BTNL2: variants seen among roughly 807,000 people sequenced by gnomAD.
The protein encoded by BTNL2 is butyrophilin-like protein 2.
Under a neutral mutation model 46.8 loss-of-function variants are expected in BTNL2, and 46 were observed. The observed-to-expected ratio is 0.98, with a 90% CI of 0.78 to 1.26. The LOEUF is 1.26. Among genes scored for constraint, BTNL2 ranks in the 50% most tolerant of loss-of-function variants. The pLI is 0.00. For synonymous variants in BTNL2, 226 were observed against 229.1 expected (o/e 0.99, Z 0.12); for missense variants, 461 against 592.6 (o/e 0.78, Z 2.31).
chr6:32,405,340 GCATGCTTTGGGGTGTCCAGCCTGT>G, intron 1 of BTNL2, 54 bp from the exon 2 acceptor site: 1 of 1,528,186 alleles, frequency 6.5e-7, no homozygotes. Flanking sequence ...AAAATCATAT[GCATGCTTTGGGGTGTCCAGCCTGT>G]CAAAATGGAG....
chr6:32,405,818 G>T (rs9268490), intron 1 of BTNL2, among the ~76,000 whole-genome samples: 36,235 of 127,600 alleles, frequency 0.28, 4,527 homozygotes, highest in Admixed American at 0.33. Context: ...TTTTTTTTTT[G>T]TTTTTTTTTT....
At position 32,407,157 on chromosome 6, in the gene BTNL2, C is replaced by T; in HGVS notation, c.-34G>A. On this transcript the variant is annotated 5_prime_UTR_variant, in exon 1 of 8. Transcript: ENST00000454136. ...GAACAAAGACAAGGAAACGCTGTGC[C>T]TAAGTGAGGCTGTGACACACCCGGC... 1 of 1,591,068 alleles carries T rather than the reference C, an allele frequency of 6.3e-7. No individual in the cohort carries two copies. Among genetic ancestry groups the T allele is most frequent in the Non-Finnish European group, 8.6e-7 (1 of 1,160,410 alleles).
rs777724790 is a variant in BTNL2 at position 32,402,924 on chromosome 6, AG to A, written c.709+10del. 5 of 1,610,960 alleles carry A rather than the reference AG, an allele frequency of 3.1e-6. No individual in the cohort carries two copies. Among genetic ancestry groups the A allele is most frequent in the Admixed American group, 3.3e-5 (2 of 59,940 alleles). Reference sequence around the variant, plus strand: ...ATCTGAGCATGTGGGTCCTAGAGGCAGAGCACTGACCTGGGAGGCTGATGAC... The same window carrying A: ...ATCTGAGCATGTGGGTCCTAGAGGCAAGCACTGACCTGGGAGGCTGATGAC... On this transcript the variant is annotated intron_variant, in intron 3 of 7. Transcript: ENST00000454136.
intron 4 of BTNL2, 136 bp downstream of exon 4, chr6:32,401,649 T>C: frequency 1.4e-6 from 1 of 731,050 alleles, no homozygotes; most frequent in Non-Finnish European, 2.2e-6. Flanking sequence ...TCCTCTGGTA[T>C]TTAATGAACA....
rs765238353 is a variant in BTNL2 at position 32,407,139 on chromosome 6, G to T, written c.-16C>A. The T allele has an allele frequency of 1.9e-6, 3 of 1,611,728 alleles. No homozygotes were observed. In the Admixed American group the frequency reaches 5.0e-5, roughly 27 times the overall value. Reference sequence around the variant, plus strand: ...AATCCACCATCCTCCCTGGAACAAAGACAAGGAAACGCTGTGCCTAAGTGA... The same window carrying T: ...AATCCACCATCCTCCCTGGAACAAATACAAGGAAACGCTGTGCCTAAGTGA... On this transcript the variant is annotated 5_prime_UTR_variant, in exon 1 of 8. Coordinates refer to ENST00000454136, the MANE Select transcript of BTNL2 (RefSeq NM_001304561.2).
At chr6:32,406,854 T>G in intron 1 of BTNL2, 191 bp downstream of exon 1, 1 of 532,656 alleles carries the variant, frequency 1.9e-6, no homozygotes, top group Non-Finnish European at 3.4e-6. Context: ...CAAGTAACTT[T>G]CCAAAGGTGA....
chr6:32,395,558 C>T (rs17208797), intron 5 of BTNL2, among the ~76,000 whole-genome samples: 4,653 of 152,292 alleles, frequency 0.031, 163 homozygotes, highest in African/African-American at 0.084. Flanking sequence ...CGTTTCAATT[C>T]TCACACACAC....
intron 4 of BTNL2, among the ~76,000 whole-genome samples, chr6:32,400,157 G>A (rs988436443): frequency 2.6e-5 from 4 of 152,180 alleles, no homozygotes; most frequent in Admixed American, 1.3e-4. Flanking sequence ...AAGATACACA[G>A]GTGTGTGTCT....
chr6:32,406,768 C>T, intron 1 of BTNL2: 1 of 252,282 alleles, frequency 4.0e-6, no homozygotes, highest in Non-Finnish European at 7.7e-6. Flanking sequence ...AATCCTAAAG[C>T]CTGTGCTGGC....
rs764919831 is a variant in BTNL2 at position 32,396,326 on chromosome 6, T to C, written c.791A>G (p.Gln264Arg). Residue 264 changes from glutamine (Q) to arginine (R), a missense_variant, in exon 5 of 8, where the codon CAG becomes CGG. Coordinates refer to ENST00000454136, the MANE Select transcript of BTNL2 (RefSeq NM_001304561.2). This position sits in a 1 kb window ranked among gnomAD's most constrained non-coding sequence, Gnocchi z 4.4. ...PILVRVGEDI[Q>R]LTCYLSPKAN... is the part of the protein sequence containing the mutation. ...CTTGGGGGACAGGTAACAGGTTAGC[T>C]GTATATCTTCTCCCACTCTGACGAG... 26 of 1,612,688 alleles carry C rather than the reference T, an allele frequency of 1.6e-5. No individual in the cohort carries two copies. In the Admixed American group the frequency reaches 1.8e-4, roughly 11 times the overall value.
At chr6:32,404,808 A>G (rs1367492017) in intron 2 of BTNL2, 131 bp downstream of exon 2, 4 of 850,456 alleles carry the variant, frequency 4.7e-6, no homozygotes, top group African/African-American at 1.7e-5. Flanking sequence ...TTTTAAATCA[A>G]TCAGGGTAGA....
chr6:32,401,932 G>T, intron 3 of BTNL2, 127 bp from the exon 4 acceptor site: 5 of 677,938 alleles, frequency 7.4e-6, no homozygotes, highest in South Asian at 3.0e-5. Flanking sequence ...AAAATGAAAT[G>T]CAGAAAAATA....
rs781338225 is a variant in BTNL2, at chr6:32,405,084, C to G, written c.282G>C (p.Trp94Cys). 5 of 1,613,050 alleles carry G rather than the reference C, an allele frequency of 3.1e-6. No individual in the cohort carries two copies. The highest frequency in any genetic ancestry group is 1.1e-5 in the South Asian group (1 of 91,078). ...TEMQMEEYRG[W>C]VEWIENGIAK... is the part of the protein sequence containing the mutation. The stretch of plus-strand genomic sequence containing the variant: ...CAATGCCATTCTCTATCCACTCTAC[C>G]CAGCCTCTGTACTCCTCCATCTGCA... The change falls in exon 2 of 8, where the codon TGG (tryptophan) becomes TGC (cysteine). Residue 94 changes from tryptophan to cysteine, a missense_variant. Coordinates refer to ENST00000454136, the MANE Select transcript of BTNL2 (RefSeq NM_001304561.2).
At position 32,407,036 on chromosome 6, in the gene BTNL2, G is replaced by A; in HGVS notation, c.79+9C>T. 6.2e-7 allele frequency: 1 copy of A among 1,611,804 alleles called. No individual in the cohort carries two copies. Among genetic ancestry groups the A allele is most frequent in the Non-Finnish European group, 8.5e-7 (1 of 1,178,974 alleles). On this transcript the variant is annotated intron_variant, in intron 1 of 7. Transcript: ENST00000454136. ...TAGACTATACAGTAAAGGGAGAAGG[G>A]AATCCTACCTGACTGCTTCATTGTC...
chr6:32,398,094 G>T (rs961540980), intron 4 of BTNL2, among the ~76,000 whole-genome samples: 34 of 152,330 alleles, frequency 2.2e-4, no homozygotes, highest in African/African-American at 8.2e-4. Context: ...GATGTTCTCT[G>T]AGGGCTTTCC....
intron 4 of BTNL2, among the ~76,000 whole-genome samples, chr6:32,401,566 A>C (rs1776787114): frequency 6.6e-6 from 1 of 152,118 alleles, no homozygotes; most frequent in African/African-American, 2.4e-5. Context: ...GCTCACTGGA[A>C]TCTCCATGAG....
At chr6:32,406,823 A>C (rs767145854) in intron 1 of BTNL2, 24 of 408,530 alleles carry the variant, frequency 5.9e-5, no homozygotes, top group Non-Finnish European at 1.1e-4. Flanking sequence ...AAAAGATGAA[A>C]GAACTAAGGT....
chr6:32,395,864 G>A (rs1776414739), intron 5 of BTNL2, among the ~76,000 whole-genome samples, 175 bp downstream of exon 5: 1 of 152,178 alleles, frequency 6.6e-6, no homozygotes, highest in Non-Finnish European at 1.5e-5. Context: ...TCATCCATTT[G>A]AGTTTGTGGA....
In BTNL2 at chr6:32,394,018, C is replaced by T; in HGVS notation, c.1400G>A (p.Trp467Ter). 1.3e-6 allele frequency: 2 copies of T among 1,550,240 alleles called. No homozygotes were observed. The highest frequency in any genetic ancestry group is 1.7e-6 in the Non-Finnish European group (2 of 1,146,752). Residue 467 changes from tryptophan to a stop codon, truncating the protein, a stop_gained, in exon 7 of 8, where the codon TGG becomes TAG. Transcript: ENST00000454136. LOFTEE classifies it low-confidence loss of function (END_TRUNC). This position sits in a 1 kb window ranked among gnomAD's most constrained non-coding sequence, Gnocchi z 4.6. ...MTFLWKTLLVWGLLLAVAVGL... is the reference protein window; with the variant it reads ...MTFLWKTLLV The stretch of plus-strand genomic sequence containing the variant: ...TACAGCCACAGCAAGAAGCAATCCC[C>T]AAACAAGCAGTGTTTTCCACAAAAA...
Sources: allele counts gnomAD v4.1 joint callset (sites outside exome capture counted in the v4.1 genomes callset), GRCh38; gene constraint gnomAD v4.1.1; non-coding constraint Gnocchi (gnomAD v3.1); transcripts MANE v1.5; gene names NCBI Gene and HGNC (gene_info 2026-07-23, HGNC 2026-07-21).